ARHGAP5: variants seen among roughly 807,000 people sequenced by gnomAD.
The protein encoded by ARHGAP5 is rho GTPase-activating protein 5.
A neutral mutation model predicts 116.6 loss-of-function variants in ARHGAP5; 23 were observed. That is an observed-to-expected ratio of 0.20 (90% confidence interval 0.14 to 0.28). The LOEUF (loss-of-function observed/expected upper bound fraction) is 0.28. Among genes scored for constraint, ARHGAP5 ranks in the 10% least tolerant of loss-of-function variants. ARHGAP5 has a pLI of 1.00. For synonymous variants in ARHGAP5, 574 were observed against 602.0 expected, an observed-to-expected ratio of 0.95 and a Z score of 0.68; for missense variants, 1,405 against 1,774.8, an observed-to-expected ratio of 0.79 and a Z score of 3.74.
At chr14:32,102,527 G>A (rs1343498358) in intron 2 of ARHGAP5, among the ~76,000 whole-genome samples, 1 of 152,226 alleles carries the variant, frequency 6.6e-6, no homozygotes, top group East Asian at 1.9e-4. Flanking sequence ...TCTGGTCTGT[G>A]CAACAGAGCG....
Position 32,100,025 on chromosome 14 carries a change from A to C in ARHGAP5, c.3717+5639A>C, listed in dbSNP as rs185807481. Reference sequence around the variant, plus strand: ...ATGAGAATTATTTTTTAAAATCATGACCCATTATATACACAAATATTTCTA... The same window carrying C: ...ATGAGAATTATTTTTTAAAATCATGCCCCATTATATACACAAATATTTCTA... On this transcript the variant is annotated intron_variant, in intron 2 of 6. Transcript: ENST00000345122. Among the ~76,000 whole-genome samples, 1,454 of 152,336 alleles carry C rather than the reference A, an allele frequency of 9.5e-3. 16 individuals are homozygous for C. The highest frequency in any genetic ancestry group is 0.018 in the South Asian group (87 of 4,832).
Position 32,091,589 on chromosome 14 carries a change from T to C in ARHGAP5, c.920T>C (p.Ile307Thr), listed in dbSNP as rs1409946318. ...AATCATCCTGATTATGAAGAATACA[T>C]CAACTTAGAGGGAACAAGAAAGGCC... is the stretch of plus-strand genomic sequence containing the variant. ...LKNHPDYEEYINLEGTRKARN... is the reference protein window; with the variant it reads ...LKNHPDYEEYTNLEGTRKARN... The change falls in exon 2 of 7, where the codon ATC (isoleucine) becomes ACC (threonine). Residue 307 changes from isoleucine to threonine, a missense_variant. Coordinates refer to ENST00000345122, the MANE Select transcript of ARHGAP5 (RefSeq NM_001030055.2). The C allele has an allele frequency of 6.2e-7, 1 of 1,612,344 alleles. No homozygotes were observed. Among genetic ancestry groups the C allele is most frequent in the Non-Finnish European group, 8.5e-7 (1 of 1,179,270 alleles).
chr14:32,093,229 GT>G lies in ARHGAP5; in HGVS notation c.2563del (p.Tyr855ThrfsTer46). 1 of 1,613,892 alleles carries G rather than the reference GT, an allele frequency of 6.2e-7. No individual in the cohort carries two copies. The highest frequency in any genetic ancestry group is 8.5e-7 in the Non-Finnish European group (1 of 1,179,912). ...TGAACTAGTTCATGGGTATATATTAGTTTACTCTGCAAAACGGAAAGCTTCG... is the reference window on the plus strand; with the variant it reads ...TGAACTAGTTCATGGGTATATATTAGTTACTCTGCAAAACGGAAAGCTTCG... ...KDELVHGYILVYSAKRKASMG... is the reference protein window; with the variant it reads ...KDELVHGYILXYSAKRKASMG... On this transcript the variant is annotated frameshift_variant, in exon 2 of 7. Transcript: ENST00000345122. LOFTEE classifies it high-confidence loss of function.
intron 3 of ARHGAP5, among the ~76,000 whole-genome samples, chr14:32,136,524 A>G (rs542451204): frequency 2.0e-5 from 3 of 152,286 alleles, no homozygotes; most frequent in South Asian, 2.1e-4. Context: ...AAGTATTTGG[A>G]TTGTTTTCAT....
chr14:32,115,949 T>TGC (rs1010676738), intron 2 of ARHGAP5, among the ~76,000 whole-genome samples: 8 of 137,248 alleles, frequency 5.8e-5, no homozygotes, highest in African/African-American at 1.9e-4. Context: ...GAGCTGAGAT[T>TGC]GCGCCACTGC....
At chr14:32,129,731 G>T (rs1270499858) in intron 3 of ARHGAP5, among the ~76,000 whole-genome samples, 2 of 151,494 alleles carry the variant, frequency 1.3e-5, no homozygotes, top group Non-Finnish European at 2.9e-5. Flanking sequence ...ACCTTGTCTG[G>T]ATATTTCTCA....
chr14:32,154,419 G>T (rs531318872), intron 6 of ARHGAP5: 2 of 518,256 alleles, frequency 3.9e-6, no homozygotes, highest in African/African-American at 3.8e-5. Context: ...AAAGTGCTGC[G>T]ATTACAGGCG....
rs756831440 is a variant in ARHGAP5 at position 32,093,803 on chromosome 14, T to A, written c.3134T>A (p.Val1045Asp). The A allele has an allele frequency of 1.2e-6, 2 of 1,613,872 alleles. No individual in the cohort carries two copies. The highest frequency in any genetic ancestry group is 1.7e-5 in the Admixed American group (1 of 59,958). The change falls in exon 2 of 7, where the codon GTT (valine) becomes GAT (aspartate). Residue 1045 changes from valine (V) to aspartate (D), a missense_variant. By Grantham distance (152) the Val-to-Asp change is radical. Around this residue, in one of 6 missense-constraint regions of ARHGAP5, gnomAD observed 944 missense variants for 1,095.3 expected, o/e 0.86. Transcript: ENST00000345122. ...CCTCCACCTATTAAACCTAAACCAG[T>A]TGTACCTAAGACAAATGTGAAAAAA... ...KVPPPIKPKPVVPKTNVKKLD... is the reference protein window; with the variant it reads ...KVPPPIKPKPDVPKTNVKKLD...
At chr14:32,119,541 T>C (rs560629804) in intron 3 of ARHGAP5, among the ~76,000 whole-genome samples, 2 of 152,196 alleles carry the variant, frequency 1.3e-5, no homozygotes, top group South Asian at 4.1e-4. Context: ...TCTATAGTCA[T>C]GTAACTGCCA....
At chr14:32,113,255 G>A (rs554423864) in intron 2 of ARHGAP5, among the ~76,000 whole-genome samples, 14 of 152,276 alleles carry the variant, frequency 9.2e-5, no homozygotes, top group African/African-American at 2.2e-4. Context: ...AAAAGGAATC[G>A]TATACATTTT....
At position 32,149,893 on chromosome 14, in the gene ARHGAP5, G is replaced by C. The variant is rs1322066424; in HGVS notation, c.3944-9G>C. On this transcript the variant is annotated splice_polypyrimidine_tract_variant and intron_variant, in intron 4 of 6. Transcript: ENST00000345122. ...TATATAATTTAAAATGTTAATTTTT[G>C]TCTTGTAGATCATAATATCAATCTA... 2 of 1,426,856 alleles carry C rather than the reference G, an allele frequency of 1.4e-6. No individual in the cohort carries two copies. The highest frequency in any genetic ancestry group is 1.9e-6 in the Non-Finnish European group (2 of 1,076,442). 88.4% of individuals were successfully genotyped at this position (1,426,856 alleles called of 1,614,324 possible).
At chr14:32,153,087 C>G (rs1881718773) in intron 6 of ARHGAP5, among the ~76,000 whole-genome samples, 1 of 149,022 alleles carries the variant, frequency 6.7e-6, no homozygotes, top group African/African-American at 2.5e-5. Flanking sequence ...TATCAACACC[C>G]AAACCAAGTA....
At chr14:32,127,788 T>C (rs1418033213) in intron 3 of ARHGAP5, among the ~76,000 whole-genome samples, 2 of 145,442 alleles carry the variant, frequency 1.4e-5, no homozygotes, top group African/African-American at 5.2e-5. Context: ...ACAGGGCGGC[T>C]GGAGGCGCCC....
Position 32,080,786 on chromosome 14 carries a change from C to T in ARHGAP5, c.-169+3351C>T, listed in dbSNP as rs918487804. Among the ~76,000 whole-genome samples, 7 of 145,576 alleles carry T rather than the reference C, an allele frequency of 4.8e-5. 1 individual carries two copies. Among genetic ancestry groups the T allele is most frequent in the African/African-American group, 1.9e-4 (7 of 36,252 alleles). On this transcript the variant is annotated intron_variant, in intron 1 of 6. Transcript: ENST00000345122. Reference sequence around the variant, plus strand: ...GACCAAAAAGGATAATTTTTTTTTTCCCCCCACTGTGTTTTGGAAGCTGTC... The same window carrying T: ...GACCAAAAAGGATAATTTTTTTTTTTCCCCCACTGTGTTTTGGAAGCTGTC...
At chr14:32,135,831 T>C (rs1262895995) in intron 3 of ARHGAP5, among the ~76,000 whole-genome samples, 1 of 152,274 alleles carries the variant, frequency 6.6e-6, no homozygotes, top group Non-Finnish European at 1.5e-5. Context: ...ATAGTGAGCA[T>C]AGTGCCTAGT....
At chr14:32,137,795 A>T (rs565392817) in intron 3 of ARHGAP5, among the ~76,000 whole-genome samples, 1 of 151,816 alleles carries the variant, frequency 6.6e-6, no homozygotes, top group East Asian at 1.9e-4. Flanking sequence ...AACATGATGA[A>T]ACCCCGTCTC....
intron 3 of ARHGAP5, among the ~76,000 whole-genome samples, chr14:32,130,799 G>A (rs1880447424): frequency 6.6e-6 from 1 of 152,168 alleles, no homozygotes; most frequent in Non-Finnish European, 1.5e-5. Context: ...CCAAAGTGCT[G>A]GGATTACAGG....
intron 2 of ARHGAP5, among the ~76,000 whole-genome samples, chr14:32,111,695 C>A (rs553046384): frequency 1.3e-5 from 2 of 152,086 alleles, no homozygotes; most frequent in Non-Finnish European, 2.9e-5. Flanking sequence ...AAAAGGAACT[C>A]TCTGATGGTC....
intron 1 of ARHGAP5, among the ~76,000 whole-genome samples, chr14:32,086,337 G>C (rs539817377): frequency 3.2e-4 from 49 of 152,222 alleles, no homozygotes; most frequent in African/African-American, 1.2e-3. Flanking sequence ...CAGTACTCGA[G>C]AGTTTTAAAC....
Sources: gnomAD v4.1 joint callset for allele counts (sites outside exome capture counted in the v4.1 genomes callset) on GRCh38, gnomAD v4.1.1 for gene constraint, gnomAD v4.1.1 regional missense constraint, MANE v1.5 for transcripts, NCBI Gene and HGNC (gene_info 2026-07-23, HGNC 2026-07-21) for gene names.